TBC1D12: variants seen among roughly 807,000 people sequenced by gnomAD.
TBC1D12 encodes the protein TBC1 domain family, member 12.
TBC1D12 carries 56 observed loss-of-function variants against 86.7 expected under a neutral mutation model. The ratio of observed to expected loss-of-function variants is 0.65; its 90% CI spans 0.52 to 0.81. TBC1D12 has a LOEUF of 0.81. Among genes scored for constraint, TBC1D12 ranks in the 30% least tolerant of loss-of-function variants. The probability of loss-of-function intolerance (pLI) is 0.00; values close to 1 mark genes in which losing one functional copy is unlikely to be tolerated. For synonymous variants in TBC1D12, 421 were observed against 411.7 expected, an observed-to-expected ratio of 1.02 and a Z score of -0.27; for missense variants, 1,023 against 1,038.8, an observed-to-expected ratio of 0.98 and a Z score of 0.21.
chr10:94,480,876 CAA>C (rs141683357), intron 3 of TBC1D12, among the ~76,000 whole-genome samples: 20 of 126,546 alleles, frequency 1.6e-4, no homozygotes, highest in South Asian at 2.6e-4. Flanking sequence ...GACCTTGTCT[CAA>C]AAAAAAAAAA....
At chr10:94,448,496 A>C (rs1316599191) in intron 2 of TBC1D12, among the ~76,000 whole-genome samples, 1 of 152,164 alleles carries the variant, frequency 6.6e-6, no homozygotes, top group Non-Finnish European at 1.5e-5. Flanking sequence ...TTTGTTTTTG[A>C]GACAGGATCT....
chr10:94,472,078 T>A (rs942576168), intron 2 of TBC1D12, among the ~76,000 whole-genome samples: 4 of 152,172 alleles, frequency 2.6e-5, no homozygotes, highest in African/African-American at 9.7e-5. Context: ...CCGATGAGCC[T>A]TTCACTGAAT....
rs3980307 is a variant in TBC1D12 at position 94,403,655 on chromosome 10, T to TCGGAGCCGGAGC, written c.971+84_971+95dup. 4.0e-4 allele frequency: 531 copies of TCGGAGCCGGAGC among 1,343,964 alleles called. 1 individual carries two copies. Among genetic ancestry groups the TCGGAGCCGGAGC allele is most frequent in the South Asian group, 1.8e-3 (102 of 57,488 alleles). 83.3% of individuals were successfully genotyped at this position (1,343,964 alleles called of 1,614,324 possible). A position where few individuals can be genotyped will look rare whatever the true frequency, so the allele number is the denominator to read the frequency against. ...GCCGGAGCCGGGGTCTTGGTGGGAG[T>TCGGAGCCGGAGC]CGGAGCCGGAGCCGGAGCCGGAGCG... is the stretch of plus-strand genomic sequence containing the variant. On this transcript the variant is annotated intron_variant, in intron 1 of 12. Transcript: ENST00000225235.
chr10:94,510,249 A>G, intron 8 of TBC1D12, 70 bp downstream of exon 8: 1 of 1,118,666 alleles, frequency 8.9e-7, no homozygotes, highest in Non-Finnish European at 1.3e-6. Flanking sequence ...CAGATTCTTT[A>G]AATGAATAGC....
rs1425949151 is a variant in TBC1D12 at position 94,534,847 on chromosome 10, G to A, written c.*1751G>A. The A allele has an allele frequency of 6.6e-6, 1 of 152,154 alleles. No individual in the cohort carries two copies. The highest frequency in any genetic ancestry group is 1.5e-5 in the Non-Finnish European group (1 of 68,020). 9.4% of individuals were successfully genotyped at this position (152,154 alleles called of 1,614,324 possible). Reference sequence around the variant, plus strand: ...AGGAGGTGGTATGCCTGGCTTAACTGCTGAAAATAGAGCATTGAAACTCTT... The same window carrying A: ...AGGAGGTGGTATGCCTGGCTTAACTACTGAAAATAGAGCATTGAAACTCTT... On this transcript the variant is annotated 3_prime_UTR_variant, in exon 13 of 13. Transcript: ENST00000225235.
In TBC1D12 at chr10:94,447,076, AC is replaced by A. The variant is rs1275974883; in HGVS notation, c.1095+5059del. 4.0e-3 allele frequency among the ~76,000 whole-genome samples: 606 copies of A among 150,142 alleles called. 4 individuals are homozygous for A. The highest frequency in any genetic ancestry group is 0.014 in the African/African-American group (564 of 40,548). The stretch of plus-strand genomic sequence containing the variant: ...CTGTTTCAAAAAAAAAAAAAAAAAA[AC>A]CTTTTTTATGTATTATTAGTGACAC... On this transcript the variant is annotated intron_variant, in intron 2 of 12. Coordinates refer to ENST00000225235, the MANE Select transcript of TBC1D12 (RefSeq NM_015188.2).
rs749315862 is a variant in TBC1D12 at position 94,522,437 on chromosome 10, A to G, written c.1984A>G (p.Ile662Val). ...HFKSYSLTPD[I>V]YLIDWIFTLY... ...CAAATCTTACAGTCTTACACCAGAT[A>G]TATACTTGATAGACTGGTAAGTCAT... The change falls in exon 11 of 13, where the codon ATA becomes GTA. Residue 662 changes from isoleucine to valine, a missense_variant. Transcript: ENST00000225235. 3 of 1,306,096 alleles carry G rather than the reference A, an allele frequency of 2.3e-6. No homozygotes were observed. Among genetic ancestry groups the G allele is most frequent in the African/African-American group, 3.0e-5 (2 of 66,844 alleles). 80.9% of individuals were successfully genotyped at this position (1,306,096 alleles called of 1,614,324 possible). A position where few individuals can be genotyped will look rare whatever the true frequency, so the allele number is the denominator to read the frequency against.
At chr10:94,441,070 G>C (rs1343781597) in intron 1 of TBC1D12, among the ~76,000 whole-genome samples, 1 of 151,754 alleles carries the variant, frequency 6.6e-6, no homozygotes, top group East Asian at 1.9e-4. Context: ...GGCTAGTCTT[G>C]AGCTGCTGAC....
At position 94,403,256 on chromosome 10, in the gene TBC1D12, G is replaced by T; in HGVS notation, c.643G>T (p.Ala215Ser). 1 of 1,504,750 alleles carries T rather than the reference G, an allele frequency of 6.6e-7. No individual in the cohort carries two copies. The highest frequency in any genetic ancestry group is 1.5e-5 in the African/African-American group (1 of 68,648). The allele number at this position is 1,504,750 out of a possible 1,614,324, so 93.2% of individuals were successfully genotyped here. ...VAADAQEPEG[A>S]GSDSGDSPAS... ...CGCGGACGCCCAGGAGCCCGAGGGC[G>T]CGGGCAGCGACTCGGGGGACAGCCC... The change falls in exon 1 of 13, where the codon GCG (alanine) becomes TCG (serine). Residue 215 changes from alanine to serine, a missense_variant. Around this residue, in one of 2 missense-constraint regions of TBC1D12, gnomAD observed 628 missense variants for 531.1 expected, o/e 1.18. Transcript: ENST00000225235.
chr10:94,495,346 T>C (rs777037290), intron 4 of TBC1D12, among the ~76,000 whole-genome samples: 3 of 152,138 alleles, frequency 2.0e-5, no homozygotes, highest in Non-Finnish European at 4.4e-5. Flanking sequence ...TTAGAAGTTA[T>C]TTTGTAGAGA....
intron 9 of TBC1D12, among the ~76,000 whole-genome samples, chr10:94,516,281 CG>C (rs879401456): frequency 1.3e-5 from 2 of 151,744 alleles, no homozygotes; most frequent in Non-Finnish European, 2.9e-5. Context: ...AAATATTAAA[CG>C]TTTTTTCTAA....
At chr10:94,490,515 T>C (rs2056231792) in intron 3 of TBC1D12, among the ~76,000 whole-genome samples, 6 of 152,228 alleles carry the variant, frequency 3.9e-5, no homozygotes. Context: ...CATTTTTATA[T>C]TGTGACTGTT....
chr10:94,403,515 C>T lies in TBC1D12; in HGVS notation c.902C>T (p.Ala301Val), dbSNP rs1564931234. ...PAGPPVPLPAAEQGPAGASAR... is the reference protein window; with the variant it reads ...PAGPPVPLPAVEQGPAGASAR... ...GGGCCGCCGGTGCCCTTGCCCGCCG[C>T]GGAGCAGGGTCCTGCGGGGGCTTCG... The change falls in exon 1 of 13, where the codon GCG (alanine) becomes GTG (valine). Residue 301 changes from alanine (A) to valine (V), a missense_variant. By Grantham distance (64) the Ala-to-Val change is moderately conservative. Transcript: ENST00000225235. 6.4e-7 allele frequency: 1 copy of T among 1,565,774 alleles called. No homozygotes were observed. The highest frequency in any genetic ancestry group is 8.6e-7 in the Non-Finnish European group (1 of 1,159,308).
chr10:94,486,520 A>G (rs1349332202), intron 3 of TBC1D12, among the ~76,000 whole-genome samples: 1 of 151,784 alleles, frequency 6.6e-6, no homozygotes, highest in Non-Finnish European at 1.5e-5. Flanking sequence ...ATTTGTTTCA[A>G]AATATTTTTA....
intron 1 of TBC1D12, among the ~76,000 whole-genome samples, chr10:94,404,686 G>A (rs1167248368): frequency 6.6e-6 from 1 of 151,432 alleles, no homozygotes; most frequent in Non-Finnish European, 1.5e-5. Context: ...ATTAAATTAT[G>A]GTGCTGGACT....
chr10:94,455,963 A>AG lies in TBC1D12; in HGVS notation c.1095+13945dup, dbSNP rs34881313. 8.3e-4 allele frequency among the ~76,000 whole-genome samples: 126 copies of AG among 152,186 alleles called. 1 individual carries two copies. In the East Asian group the frequency reaches 0.023, roughly 28 times the overall value. ...TCCATCTCAAAAAAGAAAAAAAAAA[A>AG]GAATTGTTCATAATACTTATTCATT... On this transcript the variant is annotated intron_variant, in intron 2 of 12. Transcript: ENST00000225235.
rs1027449490 is a variant in TBC1D12, at chr10:94,457,984, A to G, written c.1095+15965A>G. Among the ~76,000 whole-genome samples, 12 of 152,186 alleles carry G rather than the reference A, an allele frequency of 7.9e-5. 1 individual carries two copies. Among genetic ancestry groups the G allele is most frequent in the Admixed American group, 6.5e-4 (10 of 15,272 alleles). ...TTTATTACTGCCATTCGTTTTACTC[A>G]CATATGAGCATATGCACACATGAGC... On this transcript the variant is annotated intron_variant, in intron 2 of 12. Transcript: ENST00000225235.
intron 9 of TBC1D12, among the ~76,000 whole-genome samples, chr10:94,519,741 G>C (rs763483664): frequency 1.3e-5 from 2 of 152,094 alleles, no homozygotes; most frequent in Non-Finnish European, 2.9e-5. Flanking sequence ...TGGGCCTATA[G>C]CTCCATCTTC....
At chr10:94,429,163 A>G (rs2055184193) in intron 1 of TBC1D12, among the ~76,000 whole-genome samples, 1 of 151,966 alleles carries the variant, frequency 6.6e-6, no homozygotes, top group Admixed American at 6.6e-5. Context: ...GAAAAATTGT[A>G]GCCTTTCAGC....
Sources: allele counts gnomAD v4.1 joint callset (sites outside exome capture counted in the v4.1 genomes callset), GRCh38; gene constraint gnomAD v4.1.1; regional missense constraint gnomAD v4.1.1; transcripts MANE v1.5; gene names NCBI Gene and HGNC (gene_info 2026-07-23, HGNC 2026-07-21).